Variants in ASIC2 observed in about 807,000 individuals in gnomAD.
ASIC2 encodes the protein acid-sensing ion channel 2.
Under a neutral mutation model 57.3 loss-of-function variants are expected in ASIC2, and 25 were observed. The observed-to-expected ratio is 0.44, with a 90% CI of 0.32 to 0.61. The LOEUF is 0.61. Among genes scored for constraint, ASIC2 ranks in the 20% least tolerant of loss-of-function variants. The pLI is 0.06. For synonymous variants in ASIC2, 319 were observed against 307.5 expected (o/e 1.04, Z -0.39); for missense variants, 641 against 738.1 (o/e 0.87, Z 1.52).
intron 1 of ASIC2, among the ~76,000 whole-genome samples, chr17:33,302,773 G>T (rs1906012387): frequency 6.6e-6 from 1 of 152,114 alleles, no homozygotes; most frequent in African/African-American, 2.4e-5. Flanking sequence ...AGAAGGGAAG[G>T]GGAAGAGAAG....
At chr17:33,924,100 T>G (rs1390690775) in intron 1 of ASIC2, among the ~76,000 whole-genome samples, 1 of 152,240 alleles carries the variant, frequency 6.6e-6, no homozygotes, top group Admixed American at 6.5e-5. Context: ...TTCAGGTTTA[T>G]GGGGCAGGTC....
intron 1 of ASIC2, among the ~76,000 whole-genome samples, chr17:33,630,170 A>G (rs1906116305): frequency 1.3e-5 from 2 of 152,166 alleles, no homozygotes; most frequent in South Asian, 4.1e-4. Flanking sequence ...GCTCCCAATC[A>G]TCTGTAAGAA....
chr17:34,036,966 C>T (rs12449993), intron 1 of ASIC2: 18,828 of 152,464 alleles, frequency 0.12, 1,252 homozygotes, highest in South Asian at 0.19. Flanking sequence ...TTGGAATGAA[C>T]ATTGCCACGT....
At chr17:33,948,815 T>TA (rs1226335539) in intron 1 of ASIC2, among the ~76,000 whole-genome samples, 1 of 152,132 alleles carries the variant, frequency 6.6e-6, no homozygotes, top group Non-Finnish European at 1.5e-5. Context: ...TGCATGAAGA[T>TA]AAAAGCACCA....
chr17:33,402,554 T>G (rs1458163810), intron 1 of ASIC2, among the ~76,000 whole-genome samples: 2 of 152,204 alleles, frequency 1.3e-5, no homozygotes, highest in East Asian at 3.9e-4. Context: ...TTTCTGTTCC[T>G]GTGTTAGTTT....
intron 1 of ASIC2, among the ~76,000 whole-genome samples, chr17:33,682,573 C>G (rs1038092839): frequency 1.3e-5 from 2 of 149,254 alleles, no homozygotes; most frequent in Non-Finnish European, 3.0e-5. Context: ...CTTGCATTCA[C>G]TCCTGGCTTA....
chr17:33,648,135 T>C (rs999189437), intron 1 of ASIC2, among the ~76,000 whole-genome samples: 3 of 152,232 alleles, frequency 2.0e-5, no homozygotes, highest in African/African-American at 4.8e-5. Context: ...ATTATCAAGA[T>C]GAACAGAGTC....
intron 3 of ASIC2, among the ~76,000 whole-genome samples, chr17:33,068,285 C>T (rs942931583): frequency 6.6e-6 from 1 of 152,136 alleles, no homozygotes; most frequent in Admixed American, 6.5e-5. Flanking sequence ...AGAGGCAACA[C>T]CCAGAGGCAA....
At chr17:33,050,148 C>G (rs1051337513) in intron 3 of ASIC2, among the ~76,000 whole-genome samples, 4 of 152,140 alleles carry the variant, frequency 2.6e-5, no homozygotes, top group Admixed American at 1.3e-4. Context: ...ACCTGCTGAG[C>G]CTTCTGCTGA....
chr17:33,318,689 C>T (rs1272841077), intron 1 of ASIC2, among the ~76,000 whole-genome samples: 1 of 152,108 alleles, frequency 6.6e-6, no homozygotes, highest in Non-Finnish European at 1.5e-5. Flanking sequence ...AGGTAAATCC[C>T]CTGAGATCCT....
chr17:33,694,423 G>C (rs1288079010), intron 1 of ASIC2, among the ~76,000 whole-genome samples: 2 of 152,280 alleles, frequency 1.3e-5, no homozygotes, highest in East Asian at 1.9e-4. Context: ...CTGTGTTCCA[G>C]TCAGGCTGAA....
rs1023472228 is a variant in ASIC2 at position 34,120,147 on chromosome 17, T to C, written c.555+35831A>G. ...CCAAGATCACGTAAGATCTGGCACG[T>C]TGAAGGTAGTATGGCCATAGATTTG... On this transcript the variant is annotated intron_variant, in intron 1 of 9. Transcript: ENST00000359872. 2.6e-5 allele frequency: 4 copies of C among 152,216 alleles called. No individual in the cohort carries two copies. The East Asian group carries it at 7.7e-4, about 29-fold the overall frequency. The allele number at this position is 152,216 out of a possible 1,614,324, so 9.4% of individuals were successfully genotyped here.
chr17:33,579,537 CTGCCTTCAAGAA>C (rs1178232228), intron 1 of ASIC2, among the ~76,000 whole-genome samples: 1 of 152,156 alleles, frequency 6.6e-6, no homozygotes, highest in Non-Finnish European at 1.5e-5. Context: ...CTCGGTCTCC[CTGCCTTCAAGAA>C]TGAAAGGGCA....
At chr17:34,061,882 A>T (rs1356375305) in intron 1 of ASIC2, among the ~76,000 whole-genome samples, 1 of 152,194 alleles carries the variant, frequency 6.6e-6, no homozygotes, top group Non-Finnish European at 1.5e-5. Context: ...TAAAACAATT[A>T]CAACTAGACC....
At chr17:33,631,739 T>C (rs911193371) in intron 1 of ASIC2, among the ~76,000 whole-genome samples, 3 of 152,094 alleles carry the variant, frequency 2.0e-5, no homozygotes, top group Admixed American at 2.0e-4. Context: ...AAAAGGCAAG[T>C]GAACTCTGGA....
chr17:33,741,166 T>C (rs1005440192), intron 1 of ASIC2, among the ~76,000 whole-genome samples: 1 of 152,178 alleles, frequency 6.6e-6, no homozygotes, highest in African/African-American at 2.4e-5. Context: ...TTCAGACCCT[T>C]AAGTTGCTTT....
At chr17:33,602,416 C>T (rs2142010695) in intron 1 of ASIC2, among the ~76,000 whole-genome samples, 1 of 152,184 alleles carries the variant, frequency 6.6e-6, no homozygotes, top group East Asian at 1.9e-4. Context: ...TGAGTTTGGC[C>T]CCCTTCGCTC....
chr17:33,627,560 G>A (rs1001494426), intron 1 of ASIC2, among the ~76,000 whole-genome samples: 6 of 152,280 alleles, frequency 3.9e-5, no homozygotes, highest in Admixed American at 3.3e-4. Flanking sequence ...GCCTTGGGGC[G>A]GTGGTAGCAG....
chr17:33,692,289 T>A (rs1760159250), intron 1 of ASIC2: 1 of 152,138 alleles, frequency 6.6e-6, no homozygotes, highest in African/African-American at 2.4e-5. Flanking sequence ...AATCACAGTA[T>A]TTATCTTGCA....
Sources: gnomAD v4.1 joint callset for allele counts (sites outside exome capture counted in the v4.1 genomes callset) on GRCh38, gnomAD v4.1.1 for gene constraint, MANE v1.5 for transcripts, NCBI Gene and HGNC (gene_info 2026-07-23, HGNC 2026-07-21) for gene names.